Variants in COL22A1 observed in about 807,000 individuals in gnomAD.
The protein encoded by COL22A1 is collagen type XXII alpha 1 chain.
Under a neutral mutation model 248.9 loss-of-function variants are expected in COL22A1, and 221 were observed. The ratio of observed to expected loss-of-function variants is 0.89; its 90% CI spans 0.80 to 0.99. The LOEUF (loss-of-function observed/expected upper bound fraction) is 0.99, where lower values mean the gene tolerates loss of function less well. Ranked by LOEUF, COL22A1 falls within the 50% of genes least tolerant of loss-of-function variation. The pLI, the probability that COL22A1 is intolerant of heterozygous loss-of-function variation, is 0.00. For missense variants in COL22A1, 2,240 were observed against 2,179.0 expected, an observed-to-expected ratio of 1.03 and a Z score of -0.56; for synonymous variants, 891 against 793.4, an observed-to-expected ratio of 1.12 and a Z score of -2.07.
chr8:138,755,035 C>G, intron 21 of COL22A1, 122 bp downstream of exon 21: 1 of 947,032 alleles, frequency 1.1e-6, no homozygotes, highest in Non-Finnish European at 1.7e-6. Context: ...ACAACCCACT[C>G]AGGTGATGTG....
At chr8:138,853,373 T>G (rs955241588) in intron 3 of COL22A1, among the ~76,000 whole-genome samples, 8 of 152,208 alleles carry the variant, frequency 5.3e-5, no homozygotes, top group African/African-American at 1.9e-4. Flanking sequence ...TCTGAACCTC[T>G]AATACTATCC....
At chr8:138,858,829 A>T (rs1420214908) in intron 3 of COL22A1, among the ~76,000 whole-genome samples, 1 of 152,334 alleles carries the variant, frequency 6.6e-6, no homozygotes, top group Non-Finnish European at 1.5e-5. Context: ...GGAGTGGCAC[A>T]TCGCAAGTGT....
chr8:138,644,328 G>C (rs1822007594), intron 47 of COL22A1, among the ~76,000 whole-genome samples: 1 of 152,058 alleles, frequency 6.6e-6, no homozygotes, highest in Non-Finnish European at 1.5e-5. Context: ...TACCTAGGTT[G>C]CTGAGGTTTT....
chr8:138,658,037 T>C (rs1823452002), intron 44 of COL22A1, among the ~76,000 whole-genome samples: 2 of 152,144 alleles, frequency 1.3e-5, no homozygotes, highest in Admixed American at 6.5e-5. Context: ...AATCAGTCAC[T>C]AGCACAAGAA....
In COL22A1 at chr8:138,833,074, T is replaced by C. The variant is rs770903568; in HGVS notation, c.810A>G (p.Val270=). 2.7e-5 allele frequency: 44 copies of C among 1,613,660 alleles called. No homozygotes were observed. The highest frequency in any genetic ancestry group is 3.4e-5 in the Non-Finnish European group (40 of 1,179,626). ...GCACCACAGGGAAGGATCCCATCCG[T>C]ACATAGGAACTCTGAGCTCCATTCT... ...KRENGAQSSY[V]RMGSFPVVQS... is the part of the protein sequence containing the mutation. The change falls in exon 5 of 65, where the codon GTA becomes GTG. Residue 270 remains valine (V), a synonymous_variant. Coordinates refer to ENST00000303045, the MANE Select transcript of COL22A1 (RefSeq NM_152888.3).
At position 138,882,944 on chromosome 8, in the gene COL22A1, T is replaced by G. The variant is rs190737842; in HGVS notation, c.91+138A>C. Reference sequence around the variant, plus strand: ...AGGTTAGAAGGCAGCTGACTCACACTTGGATTCCGGACTCTCCCTCTCTCT... The same window carrying G: ...AGGTTAGAAGGCAGCTGACTCACACGTGGATTCCGGACTCTCCCTCTCTCT... On this transcript the variant is annotated intron_variant, in intron 2 of 64. Coordinates refer to ENST00000303045, the MANE Select transcript of COL22A1 (RefSeq NM_152888.3). 45 of 795,224 alleles carry G rather than the reference T, an allele frequency of 5.7e-5. No individual in the cohort carries two copies. In the East Asian group the frequency reaches 1.2e-3, roughly 21 times the overall value. The allele number at this position is 795,224 out of a possible 1,614,324, so 49.3% of individuals were successfully genotyped here.
At chr8:138,778,221 C>G in intron 15 of COL22A1, 132 bp downstream of exon 15, 1 of 926,258 alleles carries the variant, frequency 1.1e-6, no homozygotes, top group Non-Finnish European at 1.7e-6. Context: ...AAGGAGATAC[C>G]AACACTTCAT....
intron 41 of COL22A1, 44 bp downstream of exon 41, chr8:138,676,514 G>A (rs1239725628): frequency 2.3e-6 from 3 of 1,277,476 alleles, no homozygotes; most frequent in Non-Finnish European, 3.3e-6. Context: ...GGAAATGGCT[G>A]TATGTCCTGA....
At chr8:138,701,837 G>A (rs1334374085) in intron 31 of COL22A1, among the ~76,000 whole-genome samples, 1 of 152,200 alleles carries the variant, frequency 6.6e-6, no homozygotes, top group Non-Finnish European at 1.5e-5. Flanking sequence ...TGCAGTGATT[G>A]ACTAATAGAT....
chr8:138,877,942 C>A lies in COL22A1; in HGVS notation c.466G>T (p.Asp156Tyr). Residue 156 changes from aspartate to tyrosine, a missense_variant, in exon 3 of 65, where the codon GAC becomes TAC. By Grantham distance (160) the Asp-to-Tyr change is radical. Transcript: ENST00000303045. ...AILLTDGRSQDLVLDAAAAAH... is the reference protein window; with the variant it reads ...AILLTDGRSQYLVLDAAAAAH... ...GCCGCCGCGGCGTCCAGCACCAGGT[C>A]CTGGCTGCGGCCGTCGGTGAGCAGG... The A allele has an allele frequency of 6.2e-7, 1 of 1,602,078 alleles. No individual in the cohort carries two copies. The highest frequency in any genetic ancestry group is 8.5e-7 in the Non-Finnish European group (1 of 1,174,078).
chr8:138,736,894 C>T (rs1341138840), intron 23 of COL22A1, among the ~76,000 whole-genome samples: 1 of 152,114 alleles, frequency 6.6e-6, no homozygotes, highest in Admixed American at 6.5e-5. Context: ...GCCAATGTCC[C>T]AGTGTTTTGG....
At chr8:138,723,449 C>G (rs1270463878) in intron 25 of COL22A1, among the ~76,000 whole-genome samples, 3 of 152,242 alleles carry the variant, frequency 2.0e-5, no homozygotes, top group African/African-American at 7.2e-5. Flanking sequence ...TTCAAACCTT[C>G]TGTGGCTACA....
intron 36 of COL22A1, among the ~76,000 whole-genome samples, chr8:138,689,318 C>G (rs1205058767): frequency 6.6e-6 from 1 of 152,158 alleles, no homozygotes; most frequent in Non-Finnish European, 1.5e-5. Flanking sequence ...AAGAACCCAG[C>G]CTTAGCATTG....
chr8:138,776,998 C>T (rs139716901), intron 15 of COL22A1, among the ~76,000 whole-genome samples: 32 of 152,314 alleles, frequency 2.1e-4, no homozygotes, highest in East Asian at 3.9e-4. Flanking sequence ...GCCACCCACA[C>T]GAGCTGAAAA....
intron 5 of COL22A1, among the ~76,000 whole-genome samples, chr8:138,830,320 G>A (rs1380085955): frequency 6.6e-6 from 1 of 152,154 alleles, no homozygotes; most frequent in Admixed American, 6.5e-5. Flanking sequence ...ATTAGATAAG[G>A]TGCGTCAATG....
Position 138,693,250 on chromosome 8 carries a change from C to CTG in COL22A1, c.2754+394_2754+395dup, listed in dbSNP as rs140727299. On this transcript the variant is annotated intron_variant, in intron 35 of 64. Transcript: ENST00000303045. The stretch of plus-strand genomic sequence containing the variant: ...CCTGGCTGCATCTGTGTGTTTGGGG[C>CTG]TGTGTGTGTGTGTGTGCACCTGTGC... Among the ~76,000 whole-genome samples the CTG allele has an allele frequency of 9.5e-4, 143 of 150,658 alleles. 1 individual carries two copies. Among genetic ancestry groups the CTG allele is most frequent in the African/African-American group, 2.1e-3 (85 of 41,090 alleles).
chr8:138,909,217 T>TA (rs1200334621), intron 1 of COL22A1, among the ~76,000 whole-genome samples: 1 of 152,240 alleles, frequency 6.6e-6, no homozygotes, highest in Non-Finnish European at 1.5e-5. Flanking sequence ...ATCCTCCTAA[T>TA]AGAGTTAAGT....
intron 22 of COL22A1, among the ~76,000 whole-genome samples, chr8:138,751,204 G>A (rs1484993210): frequency 5.3e-5 from 8 of 152,162 alleles, no homozygotes; most frequent in African/African-American, 1.9e-4. Context: ...ATCACCCAAT[G>A]GATTCATGTC....
chr8:138,607,223 T>C (rs535605623), intron 57 of COL22A1, among the ~76,000 whole-genome samples: 50 of 152,294 alleles, frequency 3.3e-4, no homozygotes, highest in Middle Eastern at 3.4e-3. Flanking sequence ...GGTCAGCCCA[T>C]TGCCCGGTAC....
Sources: allele counts gnomAD v4.1 joint callset (sites outside exome capture counted in the v4.1 genomes callset), GRCh38; gene constraint gnomAD v4.1.1; transcripts MANE v1.5; gene names NCBI Gene and HGNC (gene_info 2026-07-23, HGNC 2026-07-21).